Variants in KLHL1 observed in about 807,000 individuals in gnomAD.
KLHL1 encodes the protein kelch like family member 1.
In KLHL1, 47 loss-of-function variants were observed where a neutral mutation model predicts 77.7. That is an observed-to-expected ratio of 0.60 (90% CI 0.48 to 0.77). KLHL1 has a LOEUF of 0.77. KLHL1 is among the 30% of genes least tolerant of loss of function. The probability of loss-of-function intolerance (pLI) is 0.00; values close to 1 mark genes in which losing one functional copy is unlikely to be tolerated. For synonymous variants in KLHL1, 360 were observed against 325.2 expected (o/e 1.11, Z -1.15); for missense variants, 925 against 910.8 (o/e 1.02, Z -0.20).
chr13:69,735,956 ATGTGTATCTG>A (rs1873744404), intron 8 of KLHL1, among the ~76,000 whole-genome samples: 1 of 152,202 alleles, frequency 6.6e-6, no homozygotes, highest in Non-Finnish European at 1.5e-5. Flanking sequence ...TTCATTGTAT[ATGTGTATCTG>A]TGTGTATGCA....
chr13:69,909,598 T>A (rs1489954364), intron 4 of KLHL1, among the ~76,000 whole-genome samples: 3 of 152,038 alleles, frequency 2.0e-5, no homozygotes, highest in East Asian at 1.9e-4. Flanking sequence ...ACTTTTTCAA[T>A]AATTTAACAC....
chr13:69,989,333 G>A (rs1191245082), intron 1 of KLHL1, among the ~76,000 whole-genome samples: 2 of 151,868 alleles, frequency 1.3e-5, no homozygotes, highest in African/African-American at 4.8e-5. Flanking sequence ...TTTTGTACTA[G>A]TATCATGTTG....
intron 10 of KLHL1, 79 bp from the exon 11 acceptor site, chr13:69,701,840 C>A: frequency 1.0e-6 from 1 of 1,003,558 alleles, no homozygotes; most frequent in Non-Finnish European, 1.5e-6. Context: ...AGATTATCTA[C>A]ATGAAAATCA....
intron 8 of KLHL1, among the ~76,000 whole-genome samples, chr13:69,730,685 C>T (rs73210461): frequency 0.019 from 2,862 of 152,136 alleles, 44 homozygotes; most frequent in Middle Eastern, 0.044. Context: ...AATCCTCTCA[C>T]CTCAGCCCCT....
At chr13:69,912,754 G>A (rs190606100) in intron 4 of KLHL1, among the ~76,000 whole-genome samples, 97 of 152,174 alleles carry the variant, frequency 6.4e-4, no homozygotes, top group Admixed American at 1.7e-3. Flanking sequence ...ATTTTCTGTC[G>A]TCTAGCCTTT....
chr13:69,760,359 A>T (rs1158367190), intron 7 of KLHL1, among the ~76,000 whole-genome samples: 1 of 151,474 alleles, frequency 6.6e-6, no homozygotes, highest in East Asian at 1.9e-4. Context: ...TATTATTATT[A>T]TTATTATTAT....
At chr13:69,728,432 TTTGA>T (rs1873398440) in intron 8 of KLHL1, among the ~76,000 whole-genome samples, 1 of 141,276 alleles carries the variant, frequency 7.1e-6, no homozygotes, top group South Asian at 2.2e-4. Context: ...TGTTTGTTTG[TTTGA>T]GACAGAGTCT....
At chr13:69,880,222 C>G (rs890937190) in intron 5 of KLHL1, among the ~76,000 whole-genome samples, 1 of 152,076 alleles carries the variant, frequency 6.6e-6, no homozygotes, top group Non-Finnish European at 1.5e-5. Flanking sequence ...ATTTAATAAT[C>G]TTTACTTTGC....
intron 1 of KLHL1, among the ~76,000 whole-genome samples, chr13:69,984,907 A>G (rs1884819644): frequency 6.6e-6 from 1 of 152,054 alleles, no homozygotes; most frequent in Admixed American, 6.6e-5. Flanking sequence ...TCAGGAGTTC[A>G]AGACCAGCCT....
intron 1 of KLHL1, among the ~76,000 whole-genome samples, chr13:70,084,394 A>G (rs1887468687): frequency 6.6e-6 from 1 of 151,906 alleles, no homozygotes; most frequent in Admixed American, 6.6e-5. Context: ...GTAAAAGTGA[A>G]AGCATGAAAT....
chr13:70,038,528 G>A (rs1886292760), intron 1 of KLHL1, among the ~76,000 whole-genome samples: 1 of 143,766 alleles, frequency 7.0e-6, no homozygotes, highest in Non-Finnish European at 1.5e-5. Context: ...CAAAAACAAT[G>A]TAAAAGAGAT....
chr13:69,783,316 C>T (rs572939324), intron 7 of KLHL1, among the ~76,000 whole-genome samples: 2 of 152,296 alleles, frequency 1.3e-5, no homozygotes, highest in South Asian at 4.1e-4. Flanking sequence ...TAGAACAAAG[C>T]TGGATGGAGA....
chr13:70,047,218 C>T (rs1593701150), intron 1 of KLHL1, among the ~76,000 whole-genome samples: 1 of 148,974 alleles, frequency 6.7e-6, no homozygotes, highest in African/African-American at 2.5e-5. Context: ...CATAAGAAAA[C>T]TTATAAAACT....
At chr13:69,786,062 G>A (rs577179116) in intron 7 of KLHL1, among the ~76,000 whole-genome samples, 218 of 152,162 alleles carry the variant, frequency 1.4e-3, no homozygotes, top group African/African-American at 4.8e-3. Flanking sequence ...ATTCACAGCC[G>A]AATTCTACCA....
intron 4 of KLHL1, among the ~76,000 whole-genome samples, chr13:69,890,239 A>G (rs202068411): frequency 6.5e-5 from 1 of 15,454 alleles, no homozygotes; most frequent in African/African-American, 7.4e-5. Context: ...AACAATTTCC[A>G]AAAAAAGAAA....
At chr13:69,756,872 G>A (rs955786571) in intron 7 of KLHL1, among the ~76,000 whole-genome samples, 2 of 152,126 alleles carry the variant, frequency 1.3e-5, no homozygotes, top group African/African-American at 2.4e-5. Context: ...TCCTGCACTG[G>A]CTAGGAATCT....
At chr13:69,814,615 A>G (rs1878040321) in intron 6 of KLHL1, among the ~76,000 whole-genome samples, 1 of 152,198 alleles carries the variant, frequency 6.6e-6, no homozygotes, top group Admixed American at 6.5e-5. Flanking sequence ...CATACATGTG[A>G]CCAAGAAACA....
intron 8 of KLHL1, among the ~76,000 whole-genome samples, chr13:69,739,525 A>T (rs565408194): frequency 3.3e-5 from 5 of 152,364 alleles, no homozygotes; most frequent in African/African-American, 9.6e-5. Flanking sequence ...GCAAAGACAT[A>T]CACAGACAAA....
chr13:69,903,630 CTTT>C (rs35761520), intron 4 of KLHL1, among the ~76,000 whole-genome samples: 38 of 50,184 alleles, frequency 7.6e-4, no homozygotes, highest in African/African-American at 3.0e-3. Flanking sequence ...TGTTCACATT[CTTT>C]TTTTTTTTTT....
Sources: allele counts gnomAD v4.1 joint callset (sites outside exome capture counted in the v4.1 genomes callset), GRCh38; gene constraint gnomAD v4.1.1; transcripts MANE v1.5; gene names NCBI Gene and HGNC (gene_info 2026-07-23, HGNC 2026-07-21).